Variants in SEMA3E observed in about 807,000 individuals in gnomAD.
SEMA3E encodes the protein semaphorin 3E.
In SEMA3E, 49 loss-of-function variants were observed where a neutral mutation model predicts 93.6. That is an observed-to-expected ratio of 0.52 (90% CI 0.42 to 0.66). The LOEUF is 0.66. Ranked by LOEUF, SEMA3E falls within the 30% of genes least tolerant of loss-of-function variation. The pLI is 0.00. For missense variants in SEMA3E, 906 were observed against 964.8 expected, an observed-to-expected ratio of 0.94 and a Z score of 0.81; for synonymous variants, 363 against 330.7, an observed-to-expected ratio of 1.10 and a Z score of -1.06.
chr7:83,383,119 C>A (rs1456582640), intron 16 of SEMA3E, among the ~76,000 whole-genome samples: 1 of 151,684 alleles, frequency 6.6e-6, no homozygotes, highest in Non-Finnish European at 1.5e-5. Context: ...CAGAGATGAA[C>A]CCTGATGAGC....
At chr7:83,645,243 G>T (rs1160355291) in intron 1 of SEMA3E, among the ~76,000 whole-genome samples, 1 of 151,898 alleles carries the variant, frequency 6.6e-6, no homozygotes, top group Non-Finnish European at 1.5e-5. Flanking sequence ...CTGTCCTGAG[G>T]ACCACAGTAT....
At chr7:83,369,544 A>G (rs1432356468) in intron 16 of SEMA3E, among the ~76,000 whole-genome samples, 3 of 152,184 alleles carry the variant, frequency 2.0e-5, no homozygotes, top group Non-Finnish European at 4.4e-5. Flanking sequence ...TTGGGCTAAT[A>G]AAAGAGTCTC....
Position 83,366,786 on chromosome 7 carries a change from G to T in SEMA3E, c.*800C>A, listed in dbSNP as rs963454898. The T allele has an allele frequency of 3.3e-5, 5 of 152,042 alleles. No homozygotes were observed. The highest frequency in any genetic ancestry group is 1.2e-4 in the African/African-American group (5 of 41,420). 9.4% of individuals were successfully genotyped at this position (152,042 alleles called of 1,614,324 possible). A position where few individuals can be genotyped will look rare whatever the true frequency, so the allele number is the denominator to read the frequency against. ...CAGATATCCGTCTGTAGAGAAAAAA[G>T]AAATGTGTGAGAATATAATTTTTTT... On this transcript the variant is annotated 3_prime_UTR_variant, in exon 17 of 17. Coordinates refer to ENST00000643230, the MANE Select transcript of SEMA3E (RefSeq NM_012431.3).
intron 2 of SEMA3E, among the ~76,000 whole-genome samples, chr7:83,487,666 T>C (rs913766802): frequency 1.4e-5 from 2 of 144,422 alleles, no homozygotes; most frequent in Non-Finnish European, 3.0e-5. Context: ...CCCATTGAAT[T>C]TGACTGGCAG....
intron 1 of SEMA3E, among the ~76,000 whole-genome samples, chr7:83,569,590 A>T (rs934416188): frequency 6.6e-6 from 1 of 152,222 alleles, no homozygotes; most frequent in African/African-American, 2.4e-5. Flanking sequence ...CATTATTCTT[A>T]TAACAGATAA....
chr7:83,457,867 C>T (rs1295701089), intron 4 of SEMA3E, among the ~76,000 whole-genome samples: 2 of 152,160 alleles, frequency 1.3e-5, no homozygotes, highest in South Asian at 2.1e-4. Flanking sequence ...TTCTGCAAAC[C>T]GATTCCATAA....
rs139417836 is a variant in SEMA3E at position 83,622,945 on chromosome 7, A to G, written c.115+25483T>C. ...CCACTATGGCACACATTTACCACAT[A>G]ACAAACCTGCACATCCCGCACATGT... On this transcript the variant is annotated intron_variant, in intron 1 of 16. Coordinates refer to ENST00000643230, the MANE Select transcript of SEMA3E (RefSeq NM_012431.3). Among the ~76,000 whole-genome samples, 1,117 of 152,228 alleles carry G rather than the reference A, an allele frequency of 7.3e-3. 12 individuals are homozygous for G. Among genetic ancestry groups the G allele is most frequent in the African/African-American group, 0.026 (1,061 of 41,556 alleles).
intron 4 of SEMA3E, among the ~76,000 whole-genome samples, chr7:83,454,268 A>AT: frequency 2.0e-5 from 2 of 100,410 alleles, no homozygotes; most frequent in African/African-American, 8.5e-5. Context: ...AAAAAAAAAA[A>AT]AAAAATATAT....
chr7:83,631,604 A>G (rs1793786954), intron 1 of SEMA3E, among the ~76,000 whole-genome samples: 1 of 152,254 alleles, frequency 6.6e-6, no homozygotes, highest in South Asian at 2.1e-4. Context: ...TAGTCTTTGA[A>G]TATAGGAATG....
intron 2 of SEMA3E, among the ~76,000 whole-genome samples, chr7:83,477,480 C>T (rs536109869): frequency 3.3e-4 from 50 of 152,168 alleles, no homozygotes; most frequent in Middle Eastern, 3.4e-3. Flanking sequence ...TTTAACCTGA[C>T]ACACATTATC....
chr7:83,583,981 G>C (rs1792567949), intron 1 of SEMA3E, among the ~76,000 whole-genome samples: 1 of 151,998 alleles, frequency 6.6e-6, no homozygotes, highest in Non-Finnish European at 1.5e-5. Flanking sequence ...TGTACAAAGA[G>C]GGACTAGACT....
intron 2 of SEMA3E, among the ~76,000 whole-genome samples, chr7:83,482,847 G>C (rs1189170843): frequency 1.3e-5 from 2 of 152,104 alleles, no homozygotes; most frequent in African/African-American, 4.8e-5. Context: ...AAAGAAAATA[G>C]ATTTTAAAAA....
In SEMA3E at chr7:83,408,492, A is replaced by T. The variant is rs751387737; in HGVS notation, c.551-5T>A. 4 of 1,613,558 alleles carry T rather than the reference A, an allele frequency of 2.5e-6. No homozygotes were observed. Among genetic ancestry groups the T allele is most frequent in the Non-Finnish European group, 3.4e-6 (4 of 1,179,724 alleles). On this transcript the variant is annotated splice_region_variant and splice_polypyrimidine_tract_variant and intron_variant, in intron 5 of 16. Coordinates refer to ENST00000643230, the MANE Select transcript of SEMA3E (RefSeq NM_012431.3). ...GTCCAGCAAACAATTCACTACCTAC[A>T]CGGGAGCATCAGTAAAAAAGAAGTC...
At chr7:83,492,842 G>A (rs115836631) in intron 1 of SEMA3E, among the ~76,000 whole-genome samples, 383 of 151,864 alleles carry the variant, frequency 2.5e-3, no homozygotes, top group African/African-American at 8.8e-3. Context: ...AAAATTTAAT[G>A]ACTATCTTAT....
intron 1 of SEMA3E, among the ~76,000 whole-genome samples, chr7:83,647,759 A>G (rs1794097852): frequency 6.6e-6 from 1 of 152,242 alleles, no homozygotes; most frequent in South Asian, 2.1e-4. Context: ...ATGCTAGTGA[A>G]TACTAATACT....
intron 1 of SEMA3E, among the ~76,000 whole-genome samples, chr7:83,601,202 G>T (rs1320020181): frequency 6.6e-6 from 1 of 152,124 alleles, no homozygotes; most frequent in Non-Finnish European, 1.5e-5. Flanking sequence ...CCCACTTAAG[G>T]CTTCTAACCT....
chr7:83,642,765 C>G (rs1794031258), intron 1 of SEMA3E, among the ~76,000 whole-genome samples: 1 of 151,980 alleles, frequency 6.6e-6, no homozygotes, highest in South Asian at 2.1e-4. Context: ...TCTATTAAAA[C>G]CAAGAAAATA....
Position 83,405,931 on chromosome 7 carries a change from C to A in SEMA3E, c.928+14G>T, listed in dbSNP as rs1788320516. 1 of 1,574,772 alleles carries A rather than the reference C, an allele frequency of 6.4e-7. No homozygotes were observed. Among genetic ancestry groups the A allele is most frequent in the East Asian group, 2.2e-5 (1 of 44,650 alleles). ...ACATAAAAGAGCAAATTTAATTCACCTAAAAACATTTACCTAATTCATCAA... is the reference window on the plus strand; with the variant it reads ...ACATAAAAGAGCAAATTTAATTCACATAAAAACATTTACCTAATTCATCAA... On this transcript the variant is annotated intron_variant, in intron 8 of 16. Transcript: ENST00000643230.
chr7:83,520,438 T>C (rs17505277), intron 1 of SEMA3E, among the ~76,000 whole-genome samples: 18,634 of 152,060 alleles, frequency 0.12, 1,626 homozygotes, highest in Non-Finnish European at 0.18. Context: ...AGCACAAAAG[T>C]TAACCCAGTT....
Sources: gnomAD v4.1 joint callset for allele counts (sites outside exome capture counted in the v4.1 genomes callset) on GRCh38, gnomAD v4.1.1 for gene constraint, MANE v1.5 for transcripts, NCBI Gene and HGNC (gene_info 2026-07-23, HGNC 2026-07-21) for gene names.